NRXN3: variants seen among roughly 807,000 people sequenced by gnomAD.
The protein encoded by NRXN3 is neurexin III.
In NRXN3, 32 loss-of-function variants were observed where a neutral mutation model predicts 137.6. The observed-to-expected ratio is 0.23, with a 90% CI of 0.18 to 0.31. The LOEUF (loss-of-function observed/expected upper bound fraction) is 0.31. Among genes scored for constraint, NRXN3 ranks in the 10% least tolerant of loss-of-function variants. The probability of loss-of-function intolerance (pLI) is 1.00; values close to 1 mark genes in which losing one functional copy is unlikely to be tolerated. For synonymous variants in NRXN3, 798 were observed against 784.5 expected (o/e 1.02, Z -0.29); for missense variants, 1,574 against 2,062.5 (o/e 0.76, Z 4.59).
At chr14:78,510,415 C>G (rs1394824138) in intron 4 of NRXN3, among the ~76,000 whole-genome samples, 1 of 152,116 alleles carries the variant, frequency 6.6e-6, no homozygotes, top group Non-Finnish European at 1.5e-5. Flanking sequence ...GGGAAGCAGA[C>G]TAATCCTCAC....
At chr14:78,266,847 A>G (rs1324111019) in intron 2 of NRXN3, among the ~76,000 whole-genome samples, 5 of 152,144 alleles carry the variant, frequency 3.3e-5, no homozygotes, top group Non-Finnish European at 7.4e-5. Flanking sequence ...GAGGGGTACA[A>G]AGGAAAGCTG....
intron 10 of NRXN3, among the ~76,000 whole-genome samples, chr14:78,950,702 T>C (rs1418148872): frequency 6.6e-6 from 1 of 151,878 alleles, no homozygotes; most frequent in African/African-American, 2.4e-5. Context: ...GGTGGGCAAA[T>C]AGCAACACCC....
intron 4 of NRXN3, among the ~76,000 whole-genome samples, chr14:78,461,097 G>T (rs2094909496): frequency 6.6e-6 from 1 of 152,194 alleles, no homozygotes. Context: ...GTTCAAATTA[G>T]AATCCTGACA....
chr14:79,307,546 G>T (rs1355485876), intron 15 of NRXN3, among the ~76,000 whole-genome samples: 1 of 152,054 alleles, frequency 6.6e-6, no homozygotes, highest in Non-Finnish European at 1.5e-5. Flanking sequence ...TGGGCTCAGG[G>T]TCTCTTATGA....
At chr14:79,824,296 A>G (rs774123589) in intron 20 of NRXN3, among the ~76,000 whole-genome samples, 3 of 152,202 alleles carry the variant, frequency 2.0e-5, no homozygotes, top group Non-Finnish European at 4.4e-5. Flanking sequence ...AACATCTGTC[A>G]CTGCAGCTAC....
Position 78,714,815 on chromosome 14 carries a change from C to G in NRXN3, c.1720C>G (p.Leu574Val). Residue 574 changes from leucine (L) to valine (V), a missense_variant, in exon 8 of 21, where the codon CTG (leucine) becomes GTG (valine). Physicochemically the swap from Leu to Val is conservative, Grantham distance 32. This residue lies in a region of NRXN3 where 718 missense variants were observed against 887.6 expected (regional missense o/e 0.81). Transcript: ENST00000335750. ...PFTASGESEILDLEGDMYLGG... is the reference protein window; with the variant it reads ...PFTASGESEIVDLEGDMYLGG... The stretch of plus-strand genomic sequence containing the variant: ...CACCGCCAGTGGGGAGAGCGAGATC[C>G]TGGACCTGGAAGGAGACATGTACCT... 6.2e-7 allele frequency: 1 copy of G among 1,614,148 alleles called. No individual in the cohort carries two copies.
intron 2 of NRXN3, among the ~76,000 whole-genome samples, chr14:78,254,830 TTTTCTTTTCTTTTC>T (rs2069266300): frequency 1.3e-5 from 2 of 152,254 alleles, no homozygotes; most frequent in South Asian, 2.1e-4. Context: ...GTAGTATTTT[TTTTCTTTTCTTTTC>T]TTTCTTTTCT....
chr14:78,990,399 C>T (rs911285575), intron 15 of NRXN3, among the ~76,000 whole-genome samples: 2 of 115,700 alleles, frequency 1.7e-5, no homozygotes, highest in African/African-American at 3.5e-5. Context: ...GACGGAGTCT[C>T]ATTCTGCTAT....
chr14:79,446,367 A>G (rs2096063904), intron 15 of NRXN3, among the ~76,000 whole-genome samples: 1 of 152,116 alleles, frequency 6.6e-6, no homozygotes, highest in Non-Finnish European at 1.5e-5. Context: ...TGAAAGTCTT[A>G]TCTCTGATGA....
intron 15 of NRXN3, among the ~76,000 whole-genome samples, chr14:79,192,090 T>C (rs2064429427): frequency 6.6e-6 from 1 of 152,116 alleles, no homozygotes; most frequent in Non-Finnish European, 1.5e-5. Flanking sequence ...GGTTTCACCA[T>C]ATTGGCCAGG....
At chr14:78,201,148 C>A (rs1376142546) in intron 1 of NRXN3, among the ~76,000 whole-genome samples, 1 of 152,208 alleles carries the variant, frequency 6.6e-6, no homozygotes, top group Non-Finnish European at 1.5e-5. Flanking sequence ...GCCTGCTGAC[C>A]ATCTGGAAGA....
chr14:79,669,779 G>A (rs570476383), intron 17 of NRXN3, among the ~76,000 whole-genome samples: 2 of 152,046 alleles, frequency 1.3e-5, no homozygotes, highest in East Asian at 1.9e-4. Flanking sequence ...AGACTCTCAG[G>A]CACCACCCCG....
chr14:78,470,463 A>G (rs768902466), intron 4 of NRXN3, among the ~76,000 whole-genome samples: 5 of 152,122 alleles, frequency 3.3e-5, no homozygotes, highest in Admixed American at 2.0e-4. Flanking sequence ...GCTTTGCTCC[A>G]TAATCCTCGT....
At chr14:79,451,576 A>G (rs1433888049) in intron 15 of NRXN3, among the ~76,000 whole-genome samples, 2 of 152,198 alleles carry the variant, frequency 1.3e-5, no homozygotes, top group African/African-American at 4.8e-5. Flanking sequence ...ACCTGTTACC[A>G]TAGAAGTCTT....
intron 16 of NRXN3, among the ~76,000 whole-genome samples, chr14:79,547,725 G>A (rs905919246): frequency 6.6e-6 from 1 of 152,140 alleles, no homozygotes; most frequent in Non-Finnish European, 1.5e-5. Context: ...TACAGCATGG[G>A]TTCATTGATT....
At chr14:79,741,912 A>T (rs1327160053) in intron 19 of NRXN3, among the ~76,000 whole-genome samples, 1 of 152,206 alleles carries the variant, frequency 6.6e-6, no homozygotes, top group African/African-American at 2.4e-5. Flanking sequence ...CAACATATAC[A>T]TATAGATTTG....
intron 8 of NRXN3, among the ~76,000 whole-genome samples, chr14:78,715,824 C>G (rs114930064): frequency 1.3e-5 from 2 of 151,768 alleles, no homozygotes; most frequent in African/African-American, 4.8e-5. Flanking sequence ...AATAGGTTCT[C>G]GAGCATTTAA....
chr14:78,318,596 A>G (rs1056297667), intron 4 of NRXN3, among the ~76,000 whole-genome samples: 5 of 152,034 alleles, frequency 3.3e-5, no homozygotes, highest in African/African-American at 1.2e-4. Flanking sequence ...CACACATTTC[A>G]TCTAGGATTT....
intron 15 of NRXN3, among the ~76,000 whole-genome samples, chr14:79,370,188 T>G (rs1433138171): frequency 6.6e-6 from 1 of 152,210 alleles, no homozygotes; most frequent in Non-Finnish European, 1.5e-5. Flanking sequence ...AGCCAGACAC[T>G]GTGTAAGCAC....
Sources: gnomAD v4.1 joint callset for allele counts (sites outside exome capture counted in the v4.1 genomes callset) on GRCh38, gnomAD v4.1.1 for gene constraint, gnomAD v4.1.1 regional missense constraint, MANE v1.5 for transcripts, NCBI Gene and HGNC (gene_info 2026-07-23, HGNC 2026-07-21) for gene names.